Variants in CDKAL1 observed in about 807,000 individuals in gnomAD.
CDKAL1 encodes the protein CDKAL1 threonylcarbamoyladenosine tRNA methylthiotransferase, also known as threonylcarbamoyladenosine tRNA methylthiotransferase.
Under a neutral mutation model 68.2 loss-of-function variants are expected in CDKAL1, and 32 were observed. The ratio of observed to expected loss-of-function variants is 0.47; its 90% CI spans 0.35 to 0.63. The LOEUF (loss-of-function observed/expected upper bound fraction) is 0.63. Among genes scored for constraint, CDKAL1 ranks in the 30% least tolerant of loss-of-function variants. The pLI is 0.00. For synonymous variants in CDKAL1, 234 were observed against 244.3 expected, an observed-to-expected ratio of 0.96 and a Z score of 0.39; for missense variants, 606 against 696.7, an observed-to-expected ratio of 0.87 and a Z score of 1.47.
chr6:21,132,524 T>A (rs566495788), intron 13 of CDKAL1, among the ~76,000 whole-genome samples: 597 of 152,254 alleles, frequency 3.9e-3, no homozygotes, highest in African/African-American at 0.014. Flanking sequence ...GTCATTCCTT[T>A]TTTTTATTAT....
chr6:20,717,742 G>T (rs1421049752), intron 5 of CDKAL1, among the ~76,000 whole-genome samples: 1 of 152,114 alleles, frequency 6.6e-6, no homozygotes, highest in Non-Finnish European at 1.5e-5. Context: ...CTTTAAACAG[G>T]TAGAGTTGAG....
intron 11 of CDKAL1, among the ~76,000 whole-genome samples, chr6:21,062,310 A>G (rs1156353343): frequency 2.0e-5 from 3 of 152,202 alleles, no homozygotes; most frequent in South Asian, 2.1e-4. Flanking sequence ...GCTGTGATCC[A>G]TAACTTTTAT....
intron 15 of CDKAL1, among the ~76,000 whole-genome samples, chr6:21,225,409 T>G (rs182823847): frequency 4.1e-4 from 62 of 152,190 alleles, no homozygotes; most frequent in African/African-American, 9.4e-4. Context: ...AGTGAGGAGG[T>G]GCAAGGCAGG....
intron 4 of CDKAL1, among the ~76,000 whole-genome samples, chr6:20,634,938 T>C (rs541080144): frequency 4.8e-5 from 7 of 144,366 alleles, no homozygotes; most frequent in African/African-American, 1.8e-4. Flanking sequence ...GACTGCACCA[T>C]TGTACTCCAG....
intron 6 of CDKAL1, among the ~76,000 whole-genome samples, chr6:20,750,266 GTC>G (rs1208108907): frequency 2.0e-5 from 3 of 152,028 alleles, no homozygotes; most frequent in African/African-American, 7.2e-5. Context: ...TAAAGATGGT[GTC>G]TCTAGTTTTC....
At chr6:21,088,218 A>G (rs1393282898) in intron 12 of CDKAL1, among the ~76,000 whole-genome samples, 1 of 152,214 alleles carries the variant, frequency 6.6e-6, no homozygotes, top group African/African-American at 2.4e-5. Flanking sequence ...AACGGGTTCA[A>G]AAACAAAGAT....
chr6:21,221,945 G>C (rs1779552763), intron 15 of CDKAL1, among the ~76,000 whole-genome samples: 1 of 152,144 alleles, frequency 6.6e-6, no homozygotes, highest in African/African-American at 2.4e-5. Flanking sequence ...CTTTCATTTG[G>C]CACCGTTCAA....
intron 11 of CDKAL1, among the ~76,000 whole-genome samples, chr6:21,024,762 C>T (rs965028235): frequency 8.5e-5 from 13 of 152,176 alleles, no homozygotes; most frequent in Non-Finnish European, 1.9e-4. Flanking sequence ...TGCCAGTGGC[C>T]TGTCTTGTGA....
rs1293587937 is a variant in CDKAL1, at chr6:20,548,724, T to C, written c.286+19T>C. Reference sequence around the variant, plus strand: ...ATTACAGGTAATGAGATCTATAATATATTTTATTGATTAAATTTTTCAGAA... The same window carrying C: ...ATTACAGGTAATGAGATCTATAATACATTTTATTGATTAAATTTTTCAGAA... On this transcript the variant is annotated intron_variant, in intron 4 of 15. Coordinates refer to ENST00000274695, the MANE Select transcript of CDKAL1 (RefSeq NM_017774.3). 2.8e-6 allele frequency: 3 copies of C among 1,087,608 alleles called. No individual in the cohort carries two copies. Among genetic ancestry groups the C allele is most frequent in the East Asian group, 4.8e-5 (2 of 41,672 alleles). 67.4% of individuals were successfully genotyped at this position (1,087,608 alleles called of 1,614,324 possible).
chr6:20,846,043 T>C lies in CDKAL1; in HGVS notation c.639-32T>C, dbSNP rs751393112. 3 of 1,380,848 alleles carry C rather than the reference T, an allele frequency of 2.2e-6. No individual in the cohort carries two copies. The Admixed American group carries it at 5.4e-5, about 25-fold the overall frequency. 85.5% of individuals were successfully genotyped at this position (1,380,848 alleles called of 1,614,324 possible). On this transcript the variant is annotated intron_variant, in intron 8 of 15. Coordinates refer to ENST00000274695, the MANE Select transcript of CDKAL1 (RefSeq NM_017774.3). ...TTAAGTATATGCTATCTTTAGAAAT[T>C]TGAGTCTTATTTATTGTTATCATTT... is the stretch of plus-strand genomic sequence containing the variant.
intron 2 of CDKAL1, among the ~76,000 whole-genome samples, chr6:20,538,098 TCCAGAAGGGGTGTA>T (rs1249547219): frequency 6.6e-6 from 1 of 152,226 alleles, no homozygotes; most frequent in Non-Finnish European, 1.5e-5. Flanking sequence ...CAGGTTGCCC[TCCAGAAGGGGTGTA>T]CCAGTTTTTC....
chr6:20,539,504 T>C lies in CDKAL1; in HGVS notation c.-6+4110T>C, dbSNP rs1581693315. Among the ~76,000 whole-genome samples the C allele has an allele frequency of 6.6e-6, 1 of 151,434 alleles. No individual in the cohort carries two copies. The highest frequency in any genetic ancestry group is 6.6e-5 in the Admixed American group (1 of 15,176). On this transcript the variant is annotated intron_variant, in intron 2 of 15. Coordinates refer to ENST00000274695, the MANE Select transcript of CDKAL1 (RefSeq NM_017774.3). This position sits in a 1 kb window ranked among gnomAD's most constrained non-coding sequence, Gnocchi z 4.3. The stretch of plus-strand genomic sequence containing the variant: ...AAGAGGGTGTGTGGTGAGGTGGGGG[T>C]GTTGGTTGGAAAGTCCTCTCTTGTT...
Position 20,661,990 on chromosome 6 carries a change from C to G in CDKAL1, c.371+12613C>G, listed in dbSNP as rs537856982. On this transcript the variant is annotated intron_variant, in intron 5 of 15. Coordinates refer to ENST00000274695, the MANE Select transcript of CDKAL1 (RefSeq NM_017774.3). The stretch of plus-strand genomic sequence containing the variant: ...GGATTAAAGAAAAAATCAACATGAT[C>G]TAAGTCTGTTCTTTCAGCCAAGAGT... 6.6e-5 allele frequency among the ~76,000 whole-genome samples: 10 copies of G among 152,266 alleles called. No homozygotes were observed. The South Asian group carries it at 2.1e-3, about 32-fold the overall frequency.
chr6:21,033,286 C>T (rs1205390955), intron 11 of CDKAL1, among the ~76,000 whole-genome samples: 2 of 152,058 alleles, frequency 1.3e-5, no homozygotes, highest in African/African-American at 4.8e-5. Context: ...ATGAGATCAG[C>T]ACTGGCAATG....
At chr6:20,608,386 C>A (rs1766428466) in intron 4 of CDKAL1, among the ~76,000 whole-genome samples, 1 of 152,070 alleles carries the variant, frequency 6.6e-6, no homozygotes, top group African/African-American at 2.4e-5. Flanking sequence ...AGGTTTCTTT[C>A]CAGTTCTAAG....
intron 5 of CDKAL1, among the ~76,000 whole-genome samples, chr6:20,657,855 T>TA (rs1275575679): frequency 6.6e-6 from 1 of 152,170 alleles, no homozygotes; most frequent in African/African-American, 2.4e-5. Context: ...TTATTGCCCT[T>TA]ACTAATTTAG....
intron 13 of CDKAL1, among the ~76,000 whole-genome samples, chr6:21,122,335 C>G (rs1171741959): frequency 6.6e-6 from 1 of 152,096 alleles, no homozygotes; most frequent in Non-Finnish European, 1.5e-5. Flanking sequence ...TTTTGAAGTA[C>G]CACATTTTGT....
At chr6:21,187,031 TTAA>T (rs1582381356) in intron 13 of CDKAL1, among the ~76,000 whole-genome samples, 1 of 152,210 alleles carries the variant, frequency 6.6e-6, no homozygotes, top group East Asian at 1.9e-4. Flanking sequence ...AGTATAGAAA[TTAA>T]TGAGATGTCT....
intron 13 of CDKAL1, among the ~76,000 whole-genome samples, chr6:21,145,162 A>G (rs1206404728): frequency 6.6e-6 from 1 of 152,148 alleles, no homozygotes; most frequent in Non-Finnish European, 1.5e-5. Flanking sequence ...CCAGGCAGTC[A>G]CGTTTTCCTT....
Sources: allele counts gnomAD v4.1 joint callset (sites outside exome capture counted in the v4.1 genomes callset), GRCh38; gene constraint gnomAD v4.1.1; non-coding constraint Gnocchi (gnomAD v3.1); transcripts MANE v1.5; gene names NCBI Gene and HGNC (gene_info 2026-07-23, HGNC 2026-07-21).